The following BTBD9 variants were observed in gnomAD, a reference collection of about 807,000 sequenced individuals.
BTBD9 encodes the protein BTB/POZ domain-containing protein 9.
A neutral mutation model predicts 64.3 loss-of-function variants in BTBD9; 49 were observed. That is an observed-to-expected ratio of 0.76 (90% CI 0.61 to 0.97). The LOEUF (loss-of-function observed/expected upper bound fraction) is 0.97. Ranked by LOEUF, BTBD9 falls within the 50% of genes least tolerant of loss-of-function variation. The pLI, the probability that BTBD9 is intolerant of heterozygous loss-of-function variation, is 0.00. For missense variants in BTBD9, 598 were observed against 762.1 expected (o/e 0.78, Z 2.53); for synonymous variants, 260 against 274.7 (o/e 0.95, Z 0.53).
At chr6:38,507,728 C>T (rs890294486) in intron 6 of BTBD9, among the ~76,000 whole-genome samples, 3 of 151,982 alleles carry the variant, frequency 2.0e-5, no homozygotes, top group African/African-American at 7.2e-5. Flanking sequence ...GTTAGTGCTT[C>T]TAAGGATTCC....
At chr6:38,459,223 T>C (rs1039662169) in intron 6 of BTBD9, among the ~76,000 whole-genome samples, 6 of 152,150 alleles carry the variant, frequency 3.9e-5, no homozygotes, top group Admixed American at 1.3e-4. Context: ...TTCACCATGT[T>C]GGCCAGGCTG....
rs143484983 is a variant in BTBD9 at position 38,514,287 on chromosome 6, G to A, written c.1154+63313C>T. Among the ~76,000 whole-genome samples, 467 of 152,290 alleles carry A rather than the reference G, an allele frequency of 3.1e-3. 4 individuals are homozygous for A. Among genetic ancestry groups the A allele is most frequent in the African/African-American group, 0.01 (422 of 41,546 alleles). On this transcript the variant is annotated intron_variant, in intron 6 of 10. Transcript: ENST00000481247. ...CTACAATGCTCTACAGAAAGACATC[G>A]TACTGCTATTATTCCTAATATGTGT...
In BTBD9 at chr6:38,172,628, G is replaced by T. The variant is rs577319322; in HGVS notation, c.*2357C>A. ...TGGCAGCGCGGCTGTGAGGGAATGA[G>T]ACTTTGCCATCAGTCCTCACCAATG... On this transcript the variant is annotated 3_prime_UTR_variant, in exon 11 of 11. Transcript: ENST00000481247. 6.6e-6 allele frequency: 1 copy of T among 152,348 alleles called. No homozygotes were observed. Among genetic ancestry groups the T allele is most frequent in the East Asian group, 1.9e-4 (1 of 5,202 alleles). The allele number at this position is 152,348 out of a possible 1,614,324, so 9.4% of individuals were successfully genotyped here.
At chr6:38,442,855 T>C (rs1408919538) in intron 6 of BTBD9, among the ~76,000 whole-genome samples, 3 of 151,742 alleles carry the variant, frequency 2.0e-5, no homozygotes, top group East Asian at 1.9e-4. Context: ...TTTTAGTAGA[T>C]AGGGGTTTTT....
intron 6 of BTBD9, among the ~76,000 whole-genome samples, chr6:38,569,026 A>G (rs1775641218): frequency 6.6e-6 from 1 of 152,200 alleles, no homozygotes; most frequent in Non-Finnish European, 1.5e-5. Context: ...TAGATGGTAA[A>G]CAGACAATTT....
At chr6:38,302,958 A>G (rs1252295532) in intron 7 of BTBD9, among the ~76,000 whole-genome samples, 2 of 152,048 alleles carry the variant, frequency 1.3e-5, no homozygotes, top group African/African-American at 2.4e-5. Context: ...AGAACTATCT[A>G]TTCAGATCTT....
In BTBD9 at chr6:38,597,557, G is replaced by T. The variant is rs1204081837; in HGVS notation, c.185+353C>A. ...ATGTGTCCATTAGCAGGTCCACAGG[G>T]CAGTCTACCTATGCAAAAAGAAGCT... On this transcript the variant is annotated intron_variant, in intron 2 of 10. Transcript: ENST00000481247. Among the ~76,000 whole-genome samples, 6 of 152,138 alleles carry T rather than the reference G, an allele frequency of 3.9e-5. 1 individual carries two copies. The highest frequency in any genetic ancestry group is 2.6e-4 in the Admixed American group (4 of 15,274).
At chr6:38,633,667 A>T (rs1163722651) in intron 1 of BTBD9, among the ~76,000 whole-genome samples, 1 of 152,182 alleles carries the variant, frequency 6.6e-6, no homozygotes, top group South Asian at 2.1e-4. Context: ...GTTAAAACTG[A>T]ACACTTAGCT....
At chr6:38,455,791 C>T (rs916406859) in intron 6 of BTBD9, among the ~76,000 whole-genome samples, 3 of 152,216 alleles carry the variant, frequency 2.0e-5, no homozygotes, top group Non-Finnish European at 4.4e-5. Flanking sequence ...TCACCGCAAC[C>T]TCCACCTCCT....
chr6:38,443,997 T>G (rs1769158734), intron 6 of BTBD9, among the ~76,000 whole-genome samples: 1 of 152,184 alleles, frequency 6.6e-6, no homozygotes, highest in African/African-American at 2.4e-5. Flanking sequence ...CCTAATCTGC[T>G]CTTGCCTTTG....
chr6:38,208,163 C>T (rs1236398328), intron 9 of BTBD9, among the ~76,000 whole-genome samples: 1 of 152,090 alleles, frequency 6.6e-6, no homozygotes, highest in African/African-American at 2.4e-5. Flanking sequence ...AAAAGCTGTC[C>T]CCTGTCAACT....
intron 9 of BTBD9, among the ~76,000 whole-genome samples, chr6:38,241,599 G>T (rs960913406): frequency 2.6e-5 from 4 of 152,232 alleles, no homozygotes; most frequent in African/African-American, 7.2e-5. Flanking sequence ...GCTGGTAAAT[G>T]TGTGCAATTC....
rs76449268 is a variant in BTBD9 at position 38,478,846 on chromosome 6, T to C, written c.1154+98754A>G. 2.0e-5 allele frequency among the ~76,000 whole-genome samples: 3 copies of C among 152,324 alleles called. No individual in the cohort carries two copies. The East Asian group carries it at 5.8e-4, about 29-fold the overall frequency. ...AATGACCAAGTCGCCTTGGTATGTC[T>C]TGTGAGCTAAAATTCCATTTCACTT... On this transcript the variant is annotated intron_variant, in intron 6 of 10. Transcript: ENST00000481247.
intron 6 of BTBD9, among the ~76,000 whole-genome samples, chr6:38,489,522 A>C (rs566442931): frequency 1.3e-5 from 2 of 152,298 alleles, no homozygotes; most frequent in South Asian, 4.1e-4. Context: ...ACTTAATGTC[A>C]GCATTTTTGT....
Position 38,347,739 on chromosome 6 carries a change from G to C in BTBD9, c.1155-2646C>G, listed in dbSNP as rs548010072. On this transcript the variant is annotated intron_variant, in intron 6 of 10. Transcript: ENST00000481247. ...ATTCAGGGCCAGGCGTGGTAGCCCTGTAATCCCACCACATTGGGAGGCCTG... is the reference window on the plus strand; with the variant it reads ...ATTCAGGGCCAGGCGTGGTAGCCCTCTAATCCCACCACATTGGGAGGCCTG... Among the ~76,000 whole-genome samples, 4 of 152,318 alleles carry C rather than the reference G, an allele frequency of 2.6e-5. No homozygotes were observed. The South Asian group carries it at 8.3e-4, about 32-fold the overall frequency.
chr6:38,251,891 C>CAA (rs534067503), intron 9 of BTBD9, among the ~76,000 whole-genome samples: 19 of 73,144 alleles, frequency 2.6e-4, no homozygotes, highest in African/African-American at 7.2e-4. Context: ...GACTCTGTCT[C>CAA]AAAAAAAAAA....
intron 1 of BTBD9, among the ~76,000 whole-genome samples, chr6:38,637,580 C>T (rs1212685189): frequency 1.3e-5 from 2 of 152,134 alleles, no homozygotes; most frequent in East Asian, 3.9e-4. Flanking sequence ...AAAGACAAAC[C>T]TCAGAGAGAT....
intron 1 of BTBD9, among the ~76,000 whole-genome samples, chr6:38,613,648 C>T (rs1393272830): frequency 6.6e-6 from 1 of 151,876 alleles, no homozygotes; most frequent in African/African-American, 2.4e-5. Context: ...AAATACAGCC[C>T]ATATGGACAC....
chr6:38,491,540 C>T (rs1396475478), intron 6 of BTBD9, among the ~76,000 whole-genome samples: 1 of 152,124 alleles, frequency 6.6e-6, no homozygotes, highest in African/African-American at 2.4e-5. Flanking sequence ...TTATCCTTTC[C>T]ATTTTATTTT....
Sources: gnomAD v4.1 joint callset for allele counts (sites outside exome capture counted in the v4.1 genomes callset) on GRCh38, gnomAD v4.1.1 for gene constraint, MANE v1.5 for transcripts, NCBI Gene and HGNC (gene_info 2026-07-23, HGNC 2026-07-21) for gene names.